The following ANK2 variants were observed in gnomAD, a reference collection of about 807,000 sequenced individuals.
ANK2 encodes ankyrin 2, also known as ankyrin-2.
In ANK2, 83 loss-of-function variants were observed where a neutral mutation model predicts 360.5. The ratio of observed to expected loss-of-function variants is 0.23; its 90% CI spans 0.19 to 0.28. The LOEUF (loss-of-function observed/expected upper bound fraction) is 0.28, where lower values mean the gene tolerates loss of function less well. ANK2 is among the 10% of genes least tolerant of loss of function. The probability of loss-of-function intolerance (pLI) is 1.00; values close to 1 mark genes in which losing one functional copy is unlikely to be tolerated. For synonymous variants in ANK2, 1,740 were observed against 1,759.5 expected (o/e 0.99, Z 0.28); for missense variants, 4,201 against 4,795.7 (o/e 0.88, Z 3.66).
rs1043468981 is a variant in ANK2 at position 113,333,202 on chromosome 4, G to A, written c.3373G>A (p.Asp1125Asn). Residue 1125 changes from aspartate to asparagine, a missense_variant, in exon 29 of 46, where the codon GAT becomes AAT. Transcript: ENST00000357077. ...DELNEILNGM[D>N]EVLDSPEDLE... ...ATTGAATGAAATTCTTAACGGCATGGATGAAGGTACTTTCAGATGAAGCGT... is the reference window on the plus strand; with the variant it reads ...ATTGAATGAAATTCTTAACGGCATGAATGAAGGTACTTTCAGATGAAGCGT... 6.2e-7 allele frequency: 1 copy of A among 1,614,102 alleles called. No individual in the cohort carries two copies. Among genetic ancestry groups the A allele is most frequent in the Non-Finnish European group, 8.5e-7 (1 of 1,180,004 alleles).
chr4:113,035,225 C>G (rs1234818264), intron 2 of ANK2, among the ~76,000 whole-genome samples: 2 of 149,388 alleles, frequency 1.3e-5, no homozygotes, highest in Non-Finnish European at 3.0e-5. Flanking sequence ...CTGGATTTAT[C>G]CAGTTGGAAA....
At chr4:112,957,007 G>GTTTTTCTTT (rs2095362214) in intron 2 of ANK2, among the ~76,000 whole-genome samples, 1 of 66,456 alleles carries the variant, frequency 1.5e-5, no homozygotes, top group Non-Finnish European at 2.9e-5. Flanking sequence ...TATTGCTCTT[G>GTTTTTCTTT]TTTTTTTTTT....
intron 1 of ANK2, among the ~76,000 whole-genome samples, chr4:113,151,943 T>G (rs2097104713): frequency 6.7e-6 from 1 of 148,918 alleles, no homozygotes; most frequent in African/African-American, 2.5e-5. Context: ...GGCACACATC[T>G]GTAATTCCAG....
At chr4:112,957,676 G>A (rs2030526398) in intron 2 of ANK2, among the ~76,000 whole-genome samples, 8 of 150,094 alleles carry the variant, frequency 5.3e-5, no homozygotes, top group South Asian at 2.1e-4. Flanking sequence ...GGACGGGGCG[G>A]CTGGCTGGGC....
At position 113,381,476 on chromosome 4, in the gene ANK2, A is replaced by G; in HGVS notation, c.*5A>G. The G allele has an allele frequency of 6.2e-7, 1 of 1,614,186 alleles. No individual in the cohort carries two copies. Among genetic ancestry groups the G allele is most frequent in the Non-Finnish European group, 8.5e-7 (1 of 1,180,012 alleles). On this transcript the variant is annotated 3_prime_UTR_variant, in exon 46 of 46. Coordinates refer to ENST00000357077, the MANE Select transcript of ANK2 (RefSeq NM_001148.6). ...CTCCAGGACAACAATGAGTAAAGCC[A>G]TCACACAGAAGAGGGCTGTGGTGAA...
chr4:113,023,815 A>G (rs1199754526), intron 2 of ANK2, among the ~76,000 whole-genome samples: 4 of 152,210 alleles, frequency 2.6e-5, no homozygotes, highest in Non-Finnish European at 5.9e-5. Context: ...TTGAGAGATA[A>G]TCAATGAATT....
intron 1 of ANK2, among the ~76,000 whole-genome samples, chr4:113,087,118 A>G (rs1033983123): frequency 1.2e-4 from 19 of 152,242 alleles, no homozygotes; most frequent in Admixed American, 1.2e-3. Flanking sequence ...AGAAAGGAGT[A>G]TAGTGCTGTG....
chr4:113,140,337 T>A (rs894213537), intron 1 of ANK2, among the ~76,000 whole-genome samples: 5 of 152,218 alleles, frequency 3.3e-5, no homozygotes, highest in Non-Finnish European at 7.3e-5. Flanking sequence ...TCTTGAATTA[T>A]AGCTGCCATG....
At chr4:113,150,016 C>G (rs1186397615) in intron 1 of ANK2, among the ~76,000 whole-genome samples, 1 of 151,192 alleles carries the variant, frequency 6.6e-6, no homozygotes, top group Non-Finnish European at 1.5e-5. Context: ...GTAGAGAATT[C>G]ACTGGCTGCA....
At chr4:113,362,387 C>T (rs764300245) in intron 39 of ANK2, among the ~76,000 whole-genome samples, 2 of 152,170 alleles carry the variant, frequency 1.3e-5, no homozygotes, top group Non-Finnish European at 2.9e-5. Context: ...CGCATACACA[C>T]ACCCCATAAT....
intron 2 of ANK2, among the ~76,000 whole-genome samples, chr4:113,001,656 A>G (rs1424719262): frequency 1.3e-5 from 2 of 152,152 alleles, no homozygotes; most frequent in Non-Finnish European, 2.9e-5. Flanking sequence ...GAGCCCACCA[A>G]GTAAATTCCA....
chr4:112,863,347 A>C (rs1258004364), intron 1 of ANK2, among the ~76,000 whole-genome samples: 1 of 152,060 alleles, frequency 6.6e-6, no homozygotes, highest in Non-Finnish European at 1.5e-5. Context: ...CTTATTAAAA[A>C]ATTTTAATAA....
rs2060829237 is a variant in ANK2, at chr4:113,277,951, A to G, written c.1782+16A>G. ...TGCAGGGAAGGTAAAGATTTTCTATACGTTATAATTATGTAACAGTGAAGG... is the reference window on the plus strand; with the variant it reads ...TGCAGGGAAGGTAAAGATTTTCTATGCGTTATAATTATGTAACAGTGAAGG... On this transcript the variant is annotated intron_variant, in intron 16 of 45. Coordinates refer to ENST00000357077, the MANE Select transcript of ANK2 (RefSeq NM_001148.6). 1.2e-6 allele frequency: 2 copies of G among 1,601,890 alleles called. No homozygotes were observed.
chr4:112,770,301 A>G, the ANK2 span, among the ~76,000 whole-genome samples: 1 of 152,200 alleles, frequency 6.6e-6, no homozygotes, highest in East Asian at 1.9e-4. Context: ...GGTGTGCCAC[A>G]GTGAGGAGCT....
At chr4:112,863,850 T>A (rs963851900) in intron 1 of ANK2, among the ~76,000 whole-genome samples, 52 of 152,288 alleles carry the variant, frequency 3.4e-4, no homozygotes, top group African/African-American at 1.2e-3. Flanking sequence ...ATTTTTTTGA[T>A]GTAGTGATGA....
chr4:112,723,433 G>A, the ANK2 span, among the ~76,000 whole-genome samples: 3 of 151,888 alleles, frequency 2.0e-5, no homozygotes, highest in African/African-American at 4.8e-5. Flanking sequence ...GCGCGATCTC[G>A]GCGCACTGCA....
chr4:112,934,741 T>A (rs1354319104), intron 2 of ANK2, among the ~76,000 whole-genome samples: 1 of 152,234 alleles, frequency 6.6e-6, no homozygotes, highest in Non-Finnish European at 1.5e-5. Context: ...CTTGCTTTCA[T>A]GTTGTTTATA....
chr4:112,871,866 G>A (rs1380490691), intron 1 of ANK2, among the ~76,000 whole-genome samples: 1 of 151,984 alleles, frequency 6.6e-6, no homozygotes, highest in Admixed American at 6.6e-5. Context: ...TGTAGTTTTT[G>A]TTTTTATTCT....
At chr4:112,765,673 T>TC in the ANK2 span, among the ~76,000 whole-genome samples, 10 of 149,824 alleles carry the variant, frequency 6.7e-5, no homozygotes, top group East Asian at 1.6e-3. Flanking sequence ...TTTTTTTTTT[T>TC]CCGTTCAGGA....
Sources: allele counts gnomAD v4.1 joint callset (sites outside exome capture counted in the v4.1 genomes callset), GRCh38; gene constraint gnomAD v4.1.1; transcripts MANE v1.5; gene names NCBI Gene and HGNC (gene_info 2026-07-23, HGNC 2026-07-21).